Variants in RAB28 observed in about 807,000 individuals in gnomAD.
RAB28 encodes RAB28, member RAS oncogene family.
Under a neutral mutation model 31.7 loss-of-function variants are expected in RAB28, and 24 were observed. That is an observed-to-expected ratio of 0.76 (90% CI 0.55 to 1.06). The LOEUF (loss-of-function observed/expected upper bound fraction) is 1.06, where lower values mean the gene tolerates loss of function less well. RAB28 is among the 50% of genes least tolerant of loss of function. RAB28 has a pLI of 0.00. For missense variants in RAB28, 254 were observed against 258.5 expected (o/e 0.98, Z 0.12); for synonymous variants, 100 against 90.4 (o/e 1.11, Z -0.60).
chr4:13,433,933 T>G (rs1237723149), intron 4 of RAB28, among the ~76,000 whole-genome samples: 1 of 152,140 alleles, frequency 6.6e-6, no homozygotes, highest in Non-Finnish European at 1.5e-5. Flanking sequence ...AATGGTGGAC[T>G]GTATAAAGAA....
At chr4:13,387,993 C>G (rs183100867) in intron 4 of RAB28, among the ~76,000 whole-genome samples, 1 of 152,044 alleles carries the variant, frequency 6.6e-6, no homozygotes, top group East Asian at 1.9e-4. Context: ...TACTATCATT[C>G]AGTATTTTGT....
intron 4 of RAB28, among the ~76,000 whole-genome samples, chr4:13,397,478 C>A (rs1311711190): frequency 6.6e-6 from 1 of 151,894 alleles, no homozygotes; most frequent in Non-Finnish European, 1.5e-5. Flanking sequence ...AACAGAAGAA[C>A]ATATATAAAA....
chr4:13,376,611 G>A lies in RAB28; in HGVS notation c.507C>T (p.Cys169=). Reference sequence around the variant, plus strand: ...GGATTTCAGCAGCAACTTTCTGAAAGCACAGGAAGACCTACATAACAAAAA... The same window carrying A: ...GGATTTCAGCAGCAACTTTCTGAAAACACAGGAAGACCTACATAACAAAAA... ...SAKTGDSVFL[C]FQKVAAEILG... is the part of the protein sequence containing the mutation. Residue 169 remains cysteine (C), a synonymous_variant, in exon 6 of 7, where the codon TGC becomes TGT. Transcript: ENST00000330852. The A allele has an allele frequency of 6.2e-7, 1 of 1,600,606 alleles. No individual in the cohort carries two copies. Among genetic ancestry groups the A allele is most frequent in the South Asian group, 1.1e-5 (1 of 88,268 alleles).
chr4:13,389,136 G>T (rs992395433), intron 4 of RAB28, among the ~76,000 whole-genome samples: 1 of 152,094 alleles, frequency 6.6e-6, no homozygotes, highest in Non-Finnish European at 1.5e-5. Context: ...TAAAAAGAAA[G>T]GAAATCTTGT....
chr4:13,381,713 A>C, intron 4 of RAB28, 119 bp from the exon 5 acceptor site: 2 of 639,898 alleles, frequency 3.1e-6, no homozygotes, highest in Non-Finnish European at 5.3e-6. Flanking sequence ...TCAGCTGTGC[A>C]ACCTTGGACA....
chr4:13,473,877 G>A (rs1214504570), intron 3 of RAB28: 2 of 359,322 alleles, frequency 5.6e-6, no homozygotes, highest in Non-Finnish European at 1.1e-5. Flanking sequence ...TATTAAATCT[G>A]AAAAGCTATC....
intron 4 of RAB28, among the ~76,000 whole-genome samples, chr4:13,434,854 A>C (rs1714003897): frequency 6.6e-6 from 1 of 151,856 alleles, no homozygotes; most frequent in South Asian, 2.1e-4. Flanking sequence ...CCCTGTCTCT[A>C]CTAAAAGTAC....
At chr4:13,377,078 C>G (rs1413492671) in intron 5 of RAB28, among the ~76,000 whole-genome samples, 1 of 152,148 alleles carries the variant, frequency 6.6e-6, no homozygotes, top group East Asian at 1.9e-4. Context: ...CTTTAATACT[C>G]TCTGTGCCTT....
chr4:13,404,403 A>T lies in RAB28; in HGVS notation c.392-22809T>A, dbSNP rs144701399. 3.1e-3 allele frequency among the ~76,000 whole-genome samples: 471 copies of T among 152,322 alleles called. 6 individuals are homozygous for T. Among genetic ancestry groups the T allele is most frequent in the Non-Finnish European group, 2.7e-3 (185 of 68,028 alleles). ...CAGAAAATAAAATAAAATAAAATAA[A>T]TAATGGATCTACTTAAGGAAAAGTT... On this transcript the variant is annotated intron_variant, in intron 4 of 6. Coordinates refer to ENST00000330852, the MANE Select transcript of RAB28 (RefSeq NM_001017979.3).
At chr4:13,418,827 G>A (rs369808857) in intron 4 of RAB28, among the ~76,000 whole-genome samples, 1 of 152,160 alleles carries the variant, frequency 6.6e-6, no homozygotes, top group Non-Finnish European at 1.5e-5. Flanking sequence ...GTCAATGCTA[G>A]GAAGAAACTG....
At chr4:13,468,716 G>A (rs551273963) in intron 3 of RAB28, among the ~76,000 whole-genome samples, 25 of 150,868 alleles carry the variant, frequency 1.7e-4, no homozygotes, top group African/African-American at 5.8e-4. Context: ...TAAAAATTAG[G>A]GAAGAAATCA....
At chr4:13,438,860 A>T (rs775047130) in intron 4 of RAB28, among the ~76,000 whole-genome samples, 9 of 152,160 alleles carry the variant, frequency 5.9e-5, no homozygotes, top group Non-Finnish European at 1.0e-4. Flanking sequence ...AGGAGCTGCC[A>T]AGTTGTTTTC....
At chr4:13,416,372 CAGAAGGA>C (rs1439462566) in intron 4 of RAB28, among the ~76,000 whole-genome samples, 3 of 152,302 alleles carry the variant, frequency 2.0e-5, no homozygotes, top group Admixed American at 2.0e-4. Flanking sequence ...ATCCAAACAT[CAGAAGGA>C]ACAAACTCCA....
chr4:13,378,018 G>A (rs1728987780), intron 5 of RAB28, among the ~76,000 whole-genome samples: 1 of 152,178 alleles, frequency 6.6e-6, no homozygotes, highest in Non-Finnish European at 1.5e-5. Context: ...AAATTGGGCA[G>A]CCTATTAGAC....
chr4:13,474,415 T>C lies in RAB28; in HGVS notation c.173-9A>G, dbSNP rs761397710. On this transcript the variant is annotated splice_polypyrimidine_tract_variant and intron_variant, in intron 2 of 6. Transcript: ENST00000330852. ...GGTAACATTCAAGTTTCCTAGAATA[T>C]AAAAAATGAATATAAAAATAAGAAT... The C allele has an allele frequency of 1.3e-6, 2 of 1,498,266 alleles. No homozygotes were observed. The highest frequency in any genetic ancestry group is 1.8e-6 in the Non-Finnish European group (2 of 1,094,014). 92.8% of individuals were successfully genotyped at this position (1,498,266 alleles called of 1,614,324 possible).
At chr4:13,483,239 G>A (rs912079238) in intron 1 of RAB28, among the ~76,000 whole-genome samples, 3 of 152,124 alleles carry the variant, frequency 2.0e-5, no homozygotes, top group Non-Finnish European at 4.4e-5. Flanking sequence ...CTTGGGGTAG[G>A]AGCCCCTGCC....
At chr4:13,405,161 T>C (rs963721632) in intron 4 of RAB28, among the ~76,000 whole-genome samples, 5 of 152,168 alleles carry the variant, frequency 3.3e-5, no homozygotes, top group African/African-American at 1.2e-4. Flanking sequence ...GAGAAAAACA[T>C]AGCCAAAATC....
chr4:13,370,076 AAAAT>A (rs1728663220), intron 6 of RAB28: 1 of 1,447,700 alleles, frequency 6.9e-7, no homozygotes. Flanking sequence ...CCAAAGTAGA[AAAAT>A]AAAATTAACA....
intron 4 of RAB28, among the ~76,000 whole-genome samples, chr4:13,383,704 T>G (rs1211713812): frequency 6.6e-6 from 1 of 152,176 alleles, no homozygotes; most frequent in Non-Finnish European, 1.5e-5. Context: ...TCCTGTGCTG[T>G]TCTCATGATA....
Sources: allele counts gnomAD v4.1 joint callset (sites outside exome capture counted in the v4.1 genomes callset), GRCh38; gene constraint gnomAD v4.1.1; transcripts MANE v1.5; gene names NCBI Gene and HGNC (gene_info 2026-07-23, HGNC 2026-07-21).